RBM33: variants seen among roughly 807,000 people sequenced by gnomAD.
RBM33 encodes RNA-binding protein 33.
Under a neutral mutation model 132.6 loss-of-function variants are expected in RBM33, and 28 were observed. The ratio of observed to expected loss-of-function variants is 0.21; its 90% CI spans 0.16 to 0.29. The LOEUF is 0.29. Ranked by LOEUF, RBM33 falls within the 10% of genes least tolerant of loss-of-function variation. The pLI is 1.00. For synonymous variants in RBM33, 634 were observed against 593.0 expected (o/e 1.07, Z -1.01); for missense variants, 1,291 against 1,518.5 (o/e 0.85, Z 2.49).
intron 8 of RBM33, among the ~76,000 whole-genome samples, chr7:155,713,918 TG>T (rs1800382638): frequency 6.6e-6 from 1 of 151,824 alleles, no homozygotes; most frequent in East Asian, 1.9e-4. Context: ...CCTCCACAGC[TG>T]GGGCAGATGG....
intron 9 of RBM33, among the ~76,000 whole-genome samples, chr7:155,720,496 TAA>T (rs1405512241): frequency 6.6e-6 from 1 of 152,162 alleles, no homozygotes; most frequent in Non-Finnish European, 1.5e-5. Flanking sequence ...CTTCGTTGAG[TAA>T]AGTTATTTTT....
chr7:155,709,852 A>G (rs768909501), intron 7 of RBM33, among the ~76,000 whole-genome samples: 1 of 152,166 alleles, frequency 6.6e-6, no homozygotes, highest in Non-Finnish European at 1.5e-5. Context: ...GAATCTTTTG[A>G]AACGTCTTCT....
intron 1 of RBM33, among the ~76,000 whole-genome samples, chr7:155,650,771 G>T (rs958534624): frequency 7.2e-5 from 11 of 152,144 alleles, no homozygotes; most frequent in African/African-American, 2.4e-4. Flanking sequence ...AAGATGAAAA[G>T]TCAATTACGA....
intron 1 of RBM33, among the ~76,000 whole-genome samples, chr7:155,648,915 CTCTT>C (rs1285508090): frequency 6.6e-6 from 1 of 152,182 alleles, no homozygotes; most frequent in African/African-American, 2.4e-5. Context: ...TGTCACTTCT[CTCTT>C]GGTGTATTCA....
chr7:155,675,839 T>A (rs1357836126), intron 3 of RBM33, among the ~76,000 whole-genome samples: 3 of 152,214 alleles, frequency 2.0e-5, no homozygotes, highest in African/African-American at 7.2e-5. Context: ...TCCACTTATG[T>A]TCCTAGCAGC....
chr7:155,659,321 T>C (rs965043559), intron 1 of RBM33, among the ~76,000 whole-genome samples: 1 of 152,098 alleles, frequency 6.6e-6, no homozygotes, highest in East Asian at 1.9e-4. Flanking sequence ...TTAAATATGC[T>C]TAACGTGCTT....
Position 155,775,291 on chromosome 7 carries a change from C to T in RBM33, c.*250C>T, listed in dbSNP as rs1346957608. ...TCACCACCAAGAACTCCAAGTTTTT[C>T]GTTTTGTTTTGTTTTCAAAGTGCTT... On this transcript the variant is annotated 3_prime_UTR_variant, in exon 18 of 18. Transcript: ENST00000401878. 19 of 614,246 alleles carry T rather than the reference C, an allele frequency of 3.1e-5. No homozygotes were observed. Among genetic ancestry groups the T allele is most frequent in the East Asian group, 2.3e-4 (8 of 35,396 alleles). 38.0% of individuals were successfully genotyped at this position (614,246 alleles called of 1,614,324 possible).
intron 5 of RBM33, among the ~76,000 whole-genome samples, chr7:155,691,187 A>C (rs952678231): frequency 1.3e-5 from 2 of 151,978 alleles, no homozygotes; most frequent in Non-Finnish European, 2.9e-5. Context: ...TTTTTTCTCT[A>C]AACTTCTCTT....
chr7:155,736,315 G>A (rs898639337), intron 9 of RBM33, among the ~76,000 whole-genome samples: 6 of 152,200 alleles, frequency 3.9e-5, no homozygotes, highest in Admixed American at 3.9e-4. Flanking sequence ...AAAGAAGAAT[G>A]ATACTTAAAA....
chr7:155,707,744 C>A (rs187990377), intron 7 of RBM33, among the ~76,000 whole-genome samples: 1 of 152,292 alleles, frequency 6.6e-6, no homozygotes, highest in East Asian at 1.9e-4. Flanking sequence ...GCAACCTACA[C>A]CTCCTGGGTT....
intron 15 of RBM33, 90 bp downstream of exon 15, chr7:155,764,108 A>G (rs1802136407): frequency 4.2e-6 from 4 of 963,174 alleles, no homozygotes; most frequent in Non-Finnish European, 6.1e-6. Context: ...AGCGCATGGC[A>G]CACAGTAGTA....
At chr7:155,724,950 A>G (rs1039497981) in intron 9 of RBM33, among the ~76,000 whole-genome samples, 6 of 147,908 alleles carry the variant, frequency 4.1e-5, no homozygotes, top group Non-Finnish European at 8.9e-5. Flanking sequence ...AAGTCTTCGG[A>G]TGTTGTGATT....
rs186310695 is a variant in RBM33, at chr7:155,701,058, C to A, written c.739+114C>A. On this transcript the variant is annotated intron_variant, in intron 6 of 17. Transcript: ENST00000401878. ...AGGTTGACTAGGTAATTGCGGCTGC[C>A]GTCCGGAGAGTGGCCGGACTTTGGA... 8.2e-4 allele frequency: 750 copies of A among 916,008 alleles called. 6 individuals carry two copies. In the African/African-American group the frequency reaches 0.011, roughly 14 times the overall value. The allele number at this position is 916,008 out of a possible 1,614,324, so 56.7% of individuals were successfully genotyped here.
At chr7:155,673,729 C>CAT (rs1185961264) in intron 3 of RBM33, among the ~76,000 whole-genome samples, 2 of 143,482 alleles carry the variant, frequency 1.4e-5, no homozygotes, top group Admixed American at 6.9e-5. Context: ...TATACACACA[C>CAT]ATATATACAT....
chr7:155,709,338 A>G (rs952962587), intron 7 of RBM33, among the ~76,000 whole-genome samples: 3 of 152,214 alleles, frequency 2.0e-5, no homozygotes, highest in Non-Finnish European at 4.4e-5. Context: ...GGTATTGAGC[A>G]TTGAAAATCT....
chr7:155,729,749 A>C (rs1038607285), intron 9 of RBM33, among the ~76,000 whole-genome samples: 15 of 152,032 alleles, frequency 9.9e-5, no homozygotes, highest in African/African-American at 3.4e-4. Flanking sequence ...TAACAAAAAA[A>C]AAAAAAAAAA....
chr7:155,708,521 G>A (rs1800183357), intron 7 of RBM33, among the ~76,000 whole-genome samples: 1 of 152,224 alleles, frequency 6.6e-6, no homozygotes, highest in African/African-American at 2.4e-5. Context: ...GAAGGGAAGA[G>A]CACGTATCTC....
intron 9 of RBM33, among the ~76,000 whole-genome samples, chr7:155,720,219 A>G (rs1048762794): frequency 1.3e-5 from 2 of 152,194 alleles, no homozygotes; most frequent in African/African-American, 4.8e-5. Context: ...CATATAGCTT[A>G]AGAAGTGTTC....
At chr7:155,765,513 A>T (rs1185159712) in intron 15 of RBM33, among the ~76,000 whole-genome samples, 2 of 152,162 alleles carry the variant, frequency 1.3e-5, no homozygotes, top group East Asian at 1.9e-4. Context: ...CTGAGGTTCT[A>T]TTCCAGTTTC....
Sources: allele counts gnomAD v4.1 joint callset (sites outside exome capture counted in the v4.1 genomes callset), GRCh38; gene constraint gnomAD v4.1.1; transcripts MANE v1.5; gene names NCBI Gene and HGNC (gene_info 2026-07-23, HGNC 2026-07-21).